HDGFL3: variants seen among roughly 807,000 people sequenced by gnomAD.
HDGFL3 encodes the protein hepatoma-derived growth factor-related protein 3.
HDGFL3 carries 6 observed loss-of-function variants against 27.6 expected under a neutral mutation model. The observed-to-expected ratio is 0.22, with a 90% CI of 0.12 to 0.43. The LOEUF is 0.43. Among genes scored for constraint, HDGFL3 ranks in the 20% least tolerant of loss-of-function variants. The pLI, the probability that HDGFL3 is intolerant of heterozygous loss-of-function variation, is 1.00. For synonymous variants in HDGFL3, 88 were observed against 88.9 expected (o/e 0.99, Z 0.05); for missense variants, 207 against 250.1 (o/e 0.83, Z 1.16).
At chr15:83,203,603 G>A (rs553571189) in intron 1 of HDGFL3, among the ~76,000 whole-genome samples, 88 of 151,944 alleles carry the variant, frequency 5.8e-4, no homozygotes, top group African/African-American at 1.2e-3. Flanking sequence ...AAATCTCTTC[G>A]GAAGTTAAGA....
At chr15:83,177,725 A>C (rs557850435) in intron 1 of HDGFL3, among the ~76,000 whole-genome samples, 1 of 152,166 alleles carries the variant, frequency 6.6e-6, no homozygotes, top group Non-Finnish European at 1.5e-5. Flanking sequence ...TTTATATGTT[A>C]TGTAGTGGCT....
intron 1 of HDGFL3, among the ~76,000 whole-genome samples, chr15:83,169,389 T>G: frequency 9.2e-6 from 1 of 109,176 alleles, no homozygotes; most frequent in East Asian, 3.2e-4. Context: ...CACTCCAGCC[T>G]GGGCGACAGA....
intron 1 of HDGFL3, among the ~76,000 whole-genome samples, chr15:83,196,967 T>C (rs2037577424): frequency 6.6e-6 from 1 of 152,238 alleles, no homozygotes; most frequent in Admixed American, 6.5e-5. Context: ...GGAGCTGACC[T>C]AGGGCATGCC....
In HDGFL3 at chr15:83,130,534, A is replaced by G. The variant is rs1169089352; in HGVS notation, c.*8736T>C. On this transcript the variant is annotated 3_prime_UTR_variant, in exon 6 of 6. Transcript: ENST00000299633. ...TAAGGCTAAGGACCAGATCCTGTAAATGTCAGAAGGATGTTTCTCCCAGCC... is the reference window on the plus strand; with the variant it reads ...TAAGGCTAAGGACCAGATCCTGTAAGTGTCAGAAGGATGTTTCTCCCAGCC... 2.0e-5 allele frequency: 3 copies of G among 152,248 alleles called. No homozygotes were observed. The highest frequency in any genetic ancestry group is 7.2e-5 in the African/African-American group (3 of 41,452). 9.4% of individuals were successfully genotyped at this position (152,248 alleles called of 1,614,324 possible). A position where few individuals can be genotyped will look rare whatever the true frequency, so the allele number is the denominator to read the frequency against.
intron 1 of HDGFL3, among the ~76,000 whole-genome samples, chr15:83,183,946 C>A (rs980075389): frequency 2.0e-5 from 3 of 151,986 alleles, no homozygotes; most frequent in Non-Finnish European, 4.4e-5. Flanking sequence ...TAGTTATATG[C>A]AAGATTTTAT....
rs1596552657 is a variant in HDGFL3, at chr15:83,160,481, G to A, written c.162-2440C>T. Among the ~76,000 whole-genome samples the A allele has an allele frequency of 2.7e-5, 4 of 150,316 alleles. No homozygotes were observed. The Admixed American group carries it at 2.7e-4, about 10-fold the overall frequency. On this transcript the variant is annotated intron_variant, in intron 2 of 5. Coordinates refer to ENST00000299633, the MANE Select transcript of HDGFL3 (RefSeq NM_016073.4). ...ATTACAGCCATGAGCCACCACACCT[G>A]GCCATCTCCAAGGTTTTGGACTGAG...
chr15:83,126,084 G>A (rs932559911), downstream of HDGFL3, among the ~76,000 whole-genome samples: 2 of 152,188 alleles, frequency 1.3e-5, no homozygotes, highest in African/African-American at 4.8e-5. Context: ...GTGTGCATGT[G>A]TGGGGGTGCA....
downstream of HDGFL3, among the ~76,000 whole-genome samples, chr15:83,123,424 T>C (rs1411447109): frequency 6.6e-6 from 1 of 152,238 alleles, no homozygotes; most frequent in East Asian, 1.9e-4. Context: ...GCCTGGCAGA[T>C]ACTCTGTTAA....
At position 83,133,170 on chromosome 15, in the gene HDGFL3, C is replaced by T. The variant is rs1212059233; in HGVS notation, c.*6100G>A. 1 of 152,208 alleles carries T rather than the reference C, an allele frequency of 6.6e-6. No homozygotes were observed. Among genetic ancestry groups the T allele is most frequent in the Non-Finnish European group, 1.5e-5 (1 of 68,058 alleles). 9.4% of individuals were successfully genotyped at this position (152,208 alleles called of 1,614,324 possible). A position where few individuals can be genotyped will look rare whatever the true frequency, so the allele number is the denominator to read the frequency against. On this transcript the variant is annotated 3_prime_UTR_variant, in exon 6 of 6. Coordinates refer to ENST00000299633, the MANE Select transcript of HDGFL3 (RefSeq NM_016073.4). ...TGATTTGACTCTGGATGTCTAGTTCCAAAGTCAGTGTTCTGAACCAATGAA... is the reference window on the plus strand; with the variant it reads ...TGATTTGACTCTGGATGTCTAGTTCTAAAGTCAGTGTTCTGAACCAATGAA...
intron 3 of HDGFL3, among the ~76,000 whole-genome samples, chr15:83,118,717 C>T (rs2034930777): frequency 6.6e-6 from 1 of 151,812 alleles, no homozygotes; most frequent in South Asian, 2.1e-4. Context: ...CATCTTACAG[C>T]GTGAAACAAG....
intron 1 of HDGFL3, among the ~76,000 whole-genome samples, chr15:83,173,162 T>A (rs1009814144): frequency 6.6e-6 from 1 of 152,228 alleles, no homozygotes. Flanking sequence ...TGACTTATAA[T>A]GGTTTGACTT....
In HDGFL3 at chr15:83,167,752, C is replaced by G. The variant is rs2037190699; in HGVS notation, c.85-3677G>C. On this transcript the variant is annotated intron_variant, in intron 1 of 5. Coordinates refer to ENST00000299633, the MANE Select transcript of HDGFL3 (RefSeq NM_016073.4). ...GGAAACTTCAACATCCCACTGACAG[C>G]ATGACAGCATTAGATAGATCATCAA... is the stretch of plus-strand genomic sequence containing the variant. 2.0e-5 allele frequency among the ~76,000 whole-genome samples: 3 copies of G among 152,138 alleles called. No individual in the cohort carries two copies. The South Asian group carries it at 6.2e-4, about 32-fold the overall frequency.
intron 1 of HDGFL3, among the ~76,000 whole-genome samples, chr15:83,188,634 G>A (rs993405119): frequency 1.3e-5 from 2 of 151,776 alleles, no homozygotes; most frequent in Non-Finnish European, 2.9e-5. Flanking sequence ...TTTTCTTCTC[G>A]GATTCCAGGA....
At chr15:83,197,650 G>A (rs1233318241) in intron 1 of HDGFL3, among the ~76,000 whole-genome samples, 1 of 152,086 alleles carries the variant, frequency 6.6e-6, no homozygotes, top group African/African-American at 2.4e-5. Context: ...TACCTCCACA[G>A]TCTAGTCCCA....
rs545426059 is a variant in HDGFL3, at chr15:83,177,166, G to A, written c.85-13091C>T. Among the ~76,000 whole-genome samples, 300 of 152,296 alleles carry A rather than the reference G, an allele frequency of 2.0e-3. 1 individual carries two copies. The highest frequency in any genetic ancestry group is 3.5e-3 in the Non-Finnish European group (241 of 68,018). ...ACTCCTGACCTCAAATGATCCATCC[G>A]CCTCGGCCTCCCGAAGTGCTGGGAT... is the stretch of plus-strand genomic sequence containing the variant. On this transcript the variant is annotated intron_variant, in intron 1 of 5. Transcript: ENST00000299633.
chr15:83,202,501 T>C (rs1357812676), intron 1 of HDGFL3, among the ~76,000 whole-genome samples: 2 of 151,968 alleles, frequency 1.3e-5, no homozygotes, highest in East Asian at 1.9e-4. Context: ...GTTTCTATAA[T>C]AAGTCAAAAG....
At chr15:83,190,241 A>G (rs1041206224) in intron 1 of HDGFL3, among the ~76,000 whole-genome samples, 2 of 151,784 alleles carry the variant, frequency 1.3e-5, no homozygotes, top group Non-Finnish European at 2.9e-5. Context: ...CTCATTTCCA[A>G]ATTTTGTTCA....
intron 1 of HDGFL3, among the ~76,000 whole-genome samples, chr15:83,183,759 A>G (rs1038715042): frequency 8.1e-6 from 1 of 123,314 alleles, no homozygotes; most frequent in Admixed American, 7.6e-5. Context: ...CTCCATCTCA[A>G]AAAAAAGAAA....
rs1202957466 is a variant in HDGFL3, at chr15:83,201,595, A to G, written c.84+5736T>C. On this transcript the variant is annotated intron_variant, in intron 1 of 5. Transcript: ENST00000299633. ...TTTTCTAATGCAAACAGGCTTTTCA[A>G]TGAAGTTGTACATAATTTTAAACCA... Among the ~76,000 whole-genome samples the G allele has an allele frequency of 5.9e-5, 9 of 152,318 alleles. No individual in the cohort carries two copies. In the East Asian group the frequency reaches 1.7e-3, roughly 29 times the overall value.
Sources: gnomAD v4.1 joint callset for allele counts (sites outside exome capture counted in the v4.1 genomes callset) on GRCh38, gnomAD v4.1.1 for gene constraint, MANE v1.5 for transcripts, NCBI Gene and HGNC (gene_info 2026-07-23, HGNC 2026-07-21) for gene names.